SPPL3: variants seen among roughly 807,000 people sequenced by gnomAD.
SPPL3 encodes the protein signal peptide peptidase-like 3.
A neutral mutation model predicts 42.4 loss-of-function variants in SPPL3; 5 were observed. That is an observed-to-expected ratio of 0.12 (90% CI 0.06 to 0.25). The LOEUF is 0.25. SPPL3 is among the 10% of genes least tolerant of loss of function. The pLI is 1.00. For missense variants in SPPL3, 235 were observed against 489.0 expected, an observed-to-expected ratio of 0.48 and a Z score of 4.90; for synonymous variants, 195 against 181.8, an observed-to-expected ratio of 1.07 and a Z score of -0.58.
rs1872853941 is a variant in SPPL3 at position 120,869,354 on chromosome 12, A to G, written c.23+34491T>C. ...TACACAACAGTGCCATTCATAGAAA[A>G]TGTAGTTTATCATGTAAAAAATGAT... On this transcript the variant is annotated intron_variant, in intron 1 of 10. Coordinates refer to ENST00000353487, the MANE Select transcript of SPPL3 (RefSeq NM_139015.5). Among the ~76,000 whole-genome samples the G allele has an allele frequency of 1.3e-5, 2 of 152,248 alleles. 1 individual carries two copies. The highest frequency in any genetic ancestry group is 4.1e-4 in the South Asian group (2 of 4,832).
intron 1 of SPPL3, among the ~76,000 whole-genome samples, chr12:120,812,225 C>A (rs1317274840): frequency 3.3e-5 from 5 of 151,842 alleles, no homozygotes; most frequent in African/African-American, 1.2e-4. Context: ...ACCTCCGCCT[C>A]CTGGGTTCAA....
chr12:120,805,512 A>G (rs950448936), intron 2 of SPPL3, among the ~76,000 whole-genome samples: 3 of 152,246 alleles, frequency 2.0e-5, no homozygotes, highest in East Asian at 3.8e-4. Context: ...ACACTGTACA[A>G]TAAGGGAGAA....
chr12:120,888,322 T>C (rs903478380), intron 1 of SPPL3, among the ~76,000 whole-genome samples: 1 of 152,166 alleles, frequency 6.6e-6, no homozygotes, highest in Non-Finnish European at 1.5e-5. Flanking sequence ...GTGATCCACC[T>C]GCCTCAGCCT....
intron 1 of SPPL3, among the ~76,000 whole-genome samples, chr12:120,896,887 C>T (rs1003611661): frequency 6.6e-6 from 1 of 151,990 alleles, no homozygotes; most frequent in African/African-American, 2.4e-5. Context: ...CTAGAAACAT[C>T]AAAAATAGAT....
In SPPL3 at chr12:120,764,013, G is replaced by C. The variant is rs1215187014; in HGVS notation, c.*986C>G. Reference sequence around the variant, plus strand: ...AGAAACTACGGAACACCCTGCGAGGGAGAAGCCTAGAAAAGAAAGAAAGGG... The same window carrying C: ...AGAAACTACGGAACACCCTGCGAGGCAGAAGCCTAGAAAAGAAAGAAAGGG... On this transcript the variant is annotated 3_prime_UTR_variant, in exon 11 of 11. Transcript: ENST00000353487. 3 of 152,596 alleles carry C rather than the reference G, an allele frequency of 2.0e-5. No homozygotes were observed. The highest frequency in any genetic ancestry group is 7.2e-5 in the African/African-American group (3 of 41,426). 9.5% of individuals were successfully genotyped at this position (152,596 alleles called of 1,614,324 possible). A position where few individuals can be genotyped will look rare whatever the true frequency, so the allele number is the denominator to read the frequency against.
chr12:120,766,449 A>C, intron 9 of SPPL3, 77 bp from the exon 10 acceptor site: 1 of 1,170,344 alleles, frequency 8.5e-7, no homozygotes, highest in Non-Finnish European at 1.2e-6. Context: ...AAAGTCCTGC[A>C]ACTGTACAGA....
intron 4 of SPPL3, among the ~76,000 whole-genome samples, chr12:120,783,981 C>T (rs1330256122): frequency 6.6e-6 from 1 of 151,954 alleles, no homozygotes; most frequent in Non-Finnish European, 1.5e-5. Context: ...AACAGCAGGC[C>T]AGGGGATGAC....
At chr12:120,834,183 G>C (rs531132659) in intron 1 of SPPL3, among the ~76,000 whole-genome samples, 1 of 152,304 alleles carries the variant, frequency 6.6e-6, no homozygotes, top group East Asian at 1.9e-4. Flanking sequence ...GGAATTTTAA[G>C]TCTTCAGTTT....
intron 1 of SPPL3, among the ~76,000 whole-genome samples, chr12:120,872,056 A>G (rs1195196756): frequency 3.3e-5 from 5 of 152,340 alleles, no homozygotes; most frequent in African/African-American, 7.2e-5. Context: ...CAAAATTTAG[A>G]GCACTTCAGA....
rs569652313 is a variant in SPPL3, at chr12:120,767,666, G to A, written c.774-73C>T. The A allele has an allele frequency of 5.9e-6, 9 of 1,520,886 alleles. No homozygotes were observed. In the East Asian group the frequency reaches 2.1e-4, roughly 35 times the overall value. The allele number at this position is 1,520,886 out of a possible 1,614,324, so 94.2% of individuals were successfully genotyped here. ...TTTCTATTCCTTTTGTGCAAAGTTT[G>A]TTAGCTTTTTAAGGAGTCAAAGAGC... On this transcript the variant is annotated intron_variant, in intron 8 of 10. Coordinates refer to ENST00000353487, the MANE Select transcript of SPPL3 (RefSeq NM_139015.5).
chr12:120,832,238 T>C (rs1353584767), intron 1 of SPPL3, among the ~76,000 whole-genome samples: 4 of 152,142 alleles, frequency 2.6e-5, no homozygotes, highest in Admixed American at 6.5e-5. Context: ...GAAGCAACAT[T>C]TAGACTGTGT....
intron 1 of SPPL3, among the ~76,000 whole-genome samples, chr12:120,903,023 C>G (rs747384452): frequency 2.0e-5 from 3 of 152,184 alleles, no homozygotes; most frequent in Non-Finnish European, 4.4e-5. Context: ...TCTCGCTTCT[C>G]GGCCCTTAAC....
intron 1 of SPPL3, among the ~76,000 whole-genome samples, chr12:120,848,929 T>G (rs370159450): frequency 3.3e-5 from 5 of 151,640 alleles, no homozygotes; most frequent in African/African-American, 1.2e-4. Flanking sequence ...CAATTTTGGT[T>G]TTTTTTTTGG....
rs57779322 is a variant in SPPL3, at chr12:120,778,111, A to ATTTTTTTT, written c.502+4536_502+4543dup. Among the ~76,000 whole-genome samples the ATTTTTTTT allele has an allele frequency of 4.3e-3, 387 of 90,934 alleles. 24 individuals are homozygous for ATTTTTTTT. The highest frequency in any genetic ancestry group is 4.9e-3 in the Non-Finnish European group (246 of 50,322). The allele number at this position is 90,934 out of a possible 152,430, so 59.7% of individuals were successfully genotyped here. A position where few individuals can be genotyped will look rare whatever the true frequency, so the allele number is the denominator to read the frequency against. ...TTATTTCCAAAATGACTGAAAAGCAATTTTTTTTTTTTTTTTTTTTTTTGA... is the reference window on the plus strand; with the variant it reads ...TTATTTCCAAAATGACTGAAAAGCAATTTTTTTTTTTTTTTTTTTTTTTTTTTTTTTGA... On this transcript the variant is annotated intron_variant, in intron 6 of 10. Transcript: ENST00000353487.
chr12:120,784,249 CCTTT>C (rs1260262582), intron 4 of SPPL3: 10 of 360,210 alleles, frequency 2.8e-5, no homozygotes, highest in Middle Eastern at 7.9e-4. Flanking sequence ...ACGTCTCCAG[CCTTT>C]CTTTCAGATT....
intron 10 of SPPL3, among the ~76,000 whole-genome samples, chr12:120,765,806 C>T (rs1249557367): frequency 1.3e-5 from 2 of 152,264 alleles, no homozygotes; most frequent in Admixed American, 6.5e-5. Flanking sequence ...ATCTGTAAAA[C>T]GGGGCTGAGA....
intron 1 of SPPL3, among the ~76,000 whole-genome samples, chr12:120,836,436 G>A (rs1240912911): frequency 1.3e-5 from 2 of 152,086 alleles, no homozygotes; most frequent in Non-Finnish European, 2.9e-5. Flanking sequence ...GGAGCACTTA[G>A]ACACCTCAAC....
chr12:120,809,670 A>G (rs752578521), intron 2 of SPPL3, among the ~76,000 whole-genome samples: 83 of 152,264 alleles, frequency 5.5e-4, no homozygotes, highest in Non-Finnish European at 4.1e-4. Context: ...GTGTGTCTCT[A>G]GTGTCTATAT....
At chr12:120,840,546 C>A (rs960507344) in intron 1 of SPPL3, among the ~76,000 whole-genome samples, 15 of 151,984 alleles carry the variant, frequency 9.9e-5, no homozygotes, top group African/African-American at 3.4e-4. Flanking sequence ...GATGATTGCA[C>A]AACTAAAAAC....
Sources: gnomAD v4.1 joint callset for allele counts (sites outside exome capture counted in the v4.1 genomes callset) on GRCh38, gnomAD v4.1.1 for gene constraint, MANE v1.5 for transcripts, NCBI Gene and HGNC (gene_info 2026-07-23, HGNC 2026-07-21) for gene names.